Variants in CSMD1 observed in about 807,000 individuals in gnomAD.
CSMD1 encodes CUB and Sushi multiple domains 1, also known as CUB and sushi domain-containing protein 1.
A neutral mutation model predicts 417.5 loss-of-function variants in CSMD1; 213 were observed. That is an observed-to-expected ratio of 0.51 (90% CI 0.46 to 0.57). The LOEUF (loss-of-function observed/expected upper bound fraction) is 0.57, where lower values mean the gene tolerates loss of function less well. Ranked by LOEUF, CSMD1 falls within the 20% of genes least tolerant of loss-of-function variation. The pLI, the probability that CSMD1 is intolerant of heterozygous loss-of-function variation, is 0.00. For missense variants in CSMD1, 6,923 were observed against 4,529.7 expected (o/e 1.53, Z -15.17); for synonymous variants, 2,862 against 1,736.8 (o/e 1.65, Z -16.11).
intron 5 of CSMD1, among the ~76,000 whole-genome samples, chr8:3,766,640 G>A (rs1475266041): frequency 1.3e-5 from 2 of 151,668 alleles, no homozygotes; most frequent in Non-Finnish European, 2.9e-5. Flanking sequence ...ACGCACAGTC[G>A]ATACTCAAAG....
intron 1 of CSMD1, among the ~76,000 whole-genome samples, chr8:4,687,007 A>C (rs1301814188): frequency 6.6e-6 from 1 of 152,224 alleles, no homozygotes; most frequent in Admixed American, 6.5e-5. Flanking sequence ...TGATGCTGGC[A>C]CATGGCACCA....
At chr8:3,120,776 G>A (rs150131982) in intron 41 of CSMD1, among the ~76,000 whole-genome samples, 5 of 152,162 alleles carry the variant, frequency 3.3e-5, no homozygotes, top group African/African-American at 1.2e-4. Context: ...AAACCCAGGA[G>A]CAGAAGGTTG....
At chr8:3,612,883 C>T (rs970476980) in intron 8 of CSMD1, among the ~76,000 whole-genome samples, 1 of 151,824 alleles carries the variant, frequency 6.6e-6, no homozygotes, top group African/African-American at 2.4e-5. Flanking sequence ...AAAAGAAGAA[C>T]AAATGGAGCC....
chr8:4,753,297 T>A (rs573181936), intron 1 of CSMD1, among the ~76,000 whole-genome samples: 3 of 152,154 alleles, frequency 2.0e-5, no homozygotes, highest in Admixed American at 6.5e-5. Context: ...TGAGGAATTT[T>A]GGAATACATT....
intron 7 of CSMD1, among the ~76,000 whole-genome samples, chr8:3,675,022 C>T (rs1257323843): frequency 6.6e-6 from 1 of 152,182 alleles, no homozygotes; most frequent in Non-Finnish European, 1.5e-5. Flanking sequence ...CCCAGTGATG[C>T]AGGGATTTAG....
chr8:4,633,023 G>A (rs1421403204), intron 2 of CSMD1, among the ~76,000 whole-genome samples: 2 of 152,096 alleles, frequency 1.3e-5, no homozygotes, highest in Non-Finnish European at 2.9e-5. Flanking sequence ...AGGGTCATGG[G>A]TACTAGAACT....
chr8:4,403,635 G>A (rs777055070), intron 3 of CSMD1, among the ~76,000 whole-genome samples: 1 of 152,070 alleles, frequency 6.6e-6, no homozygotes, highest in African/African-American at 2.4e-5. Flanking sequence ...GGTCTACTTA[G>A]TCGGTGTTTA....
chr8:4,937,142 G>A (rs548204034), intron 1 of CSMD1, among the ~76,000 whole-genome samples: 1 of 152,282 alleles, frequency 6.6e-6, no homozygotes, highest in African/African-American at 2.4e-5. Flanking sequence ...GGGCCCAGGA[G>A]CTCAAGGCTG....
At chr8:3,029,279 G>T (rs747946899) in intron 51 of CSMD1, 40 bp downstream of exon 51, 1 of 1,533,278 alleles carries the variant, frequency 6.5e-7, no homozygotes, top group Middle Eastern at 2.3e-4. Flanking sequence ...GAATAATCTA[G>T]GATGCCGTGA....
Position 4,940,245 on chromosome 8 carries a change from G to C in CSMD1, c.85+54087C>G, listed in dbSNP as rs529718891. ...AGCGTATTTGAGAAGGACAAGAACA[G>C]AAATAGTGTGAGCAGTTAACAGTCC... On this transcript the variant is annotated intron_variant, in intron 1 of 69. Coordinates refer to ENST00000635120, the MANE Select transcript of CSMD1 (RefSeq NM_033225.6). 1.1e-4 allele frequency among the ~76,000 whole-genome samples: 16 copies of C among 152,300 alleles called. No homozygotes were observed. The South Asian group carries it at 3.1e-3, about 30-fold the overall frequency.
chr8:4,142,515 A>C (rs1428135863), intron 3 of CSMD1, among the ~76,000 whole-genome samples: 1 of 151,316 alleles, frequency 6.6e-6, no homozygotes, highest in Non-Finnish European at 1.5e-5. Context: ...GAGCTGTTCT[A>C]GATGAATTCT....
At chr8:4,312,974 G>A (rs1261232651) in intron 3 of CSMD1, among the ~76,000 whole-genome samples, 1 of 152,194 alleles carries the variant, frequency 6.6e-6, no homozygotes, top group Non-Finnish European at 1.5e-5. Flanking sequence ...TGACCTGCAA[G>A]GTAAGTTTTG....
At chr8:3,916,149 A>T (rs1808813377) in intron 5 of CSMD1, among the ~76,000 whole-genome samples, 1 of 152,072 alleles carries the variant, frequency 6.6e-6, no homozygotes, top group East Asian at 1.9e-4. Flanking sequence ...AAAAAATGCT[A>T]AATGCTCTAT....
intron 2 of CSMD1, among the ~76,000 whole-genome samples, chr8:4,628,102 T>C (rs943455873): frequency 7.1e-6 from 1 of 141,250 alleles, no homozygotes; most frequent in Non-Finnish European, 1.5e-5. Flanking sequence ...TTATATACCA[T>C]ATATATACTT....
intron 1 of CSMD1, among the ~76,000 whole-genome samples, chr8:4,738,961 G>A (rs954255012): frequency 6.7e-6 from 1 of 148,932 alleles, no homozygotes; most frequent in African/African-American, 2.5e-5. Flanking sequence ...TGAAGGGCTT[G>A]AATAATATAC....
chr8:4,051,373 A>T (rs184442547), intron 3 of CSMD1, among the ~76,000 whole-genome samples: 6 of 152,228 alleles, frequency 3.9e-5, no homozygotes, highest in Non-Finnish European at 7.3e-5. Context: ...TGTTGGCATG[A>T]TCCCGGAGGG....
chr8:4,738,863 A>G (rs1220048735), intron 1 of CSMD1, among the ~76,000 whole-genome samples: 1 of 149,972 alleles, frequency 6.7e-6, no homozygotes, highest in Non-Finnish European at 1.5e-5. Flanking sequence ...TTATTTAGGA[A>G]CTACATATAG....
At chr8:3,730,136 T>G (rs1314479720) in intron 6 of CSMD1, among the ~76,000 whole-genome samples, 1 of 152,036 alleles carries the variant, frequency 6.6e-6, no homozygotes, top group Non-Finnish European at 1.5e-5. Flanking sequence ...GGAGACAATG[T>G]GATCATCCTG....
At chr8:4,129,011 G>C (rs1247101102) in intron 3 of CSMD1, among the ~76,000 whole-genome samples, 5 of 148,248 alleles carry the variant, frequency 3.4e-5, no homozygotes, top group African/African-American at 9.9e-5. Flanking sequence ...GGGAGTCAGA[G>C]GCTGCAGTAA....
Sources: gnomAD v4.1 joint callset for allele counts (sites outside exome capture counted in the v4.1 genomes callset) on GRCh38, gnomAD v4.1.1 for gene constraint, MANE v1.5 for transcripts, NCBI Gene and HGNC (gene_info 2026-07-23, HGNC 2026-07-21) for gene names.